Variants in FBXW8 observed in about 807,000 individuals in gnomAD.
FBXW8 encodes the protein F-box and WD repeat domain containing 8.
FBXW8 carries 57 observed loss-of-function variants against 65.3 expected under a neutral mutation model. The ratio of observed to expected loss-of-function variants is 0.87; its 90% CI spans 0.71 to 1.09. The LOEUF is 1.09. FBXW8 is among the 50% of genes least tolerant of loss of function. The pLI, the probability that FBXW8 is intolerant of heterozygous loss-of-function variation, is 0.00. For missense variants in FBXW8, 777 were observed against 814.8 expected (o/e 0.95, Z 0.57); for synonymous variants, 308 against 330.2 (o/e 0.93, Z 0.73).
chr12:116,926,519 T>C (rs1216120340), intron 1 of FBXW8, among the ~76,000 whole-genome samples: 1 of 152,176 alleles, frequency 6.6e-6, no homozygotes, highest in Non-Finnish European at 1.5e-5. Context: ...AAGTGATGCC[T>C]CTTTTTCTTG....
rs58622490 is a variant in FBXW8, at chr12:116,928,004, CTT to C, written c.319-10_319-9del. ...ATATCTAAAAATTATAAACTTCTTT[CTT>C]TTTTTTTTCCCCTCAGAATGAAATG... On this transcript the variant is annotated splice_polypyrimidine_tract_variant and intron_variant, in intron 1 of 10. Coordinates refer to ENST00000652555, the MANE Select transcript of FBXW8 (RefSeq NM_153348.3). 0.027 allele frequency: 35,317 copies of C among 1,319,656 alleles called. 1,917 individuals carry two copies. The highest frequency in any genetic ancestry group is 0.22 in the African/African-American group (14,748 of 67,306). 81.7% of individuals were successfully genotyped at this position (1,319,656 alleles called of 1,614,324 possible). A position where few individuals can be genotyped will look rare whatever the true frequency, so the allele number is the denominator to read the frequency against.
chr12:116,965,864 T>G (rs1195246864), intron 5 of FBXW8, among the ~76,000 whole-genome samples: 1 of 151,618 alleles, frequency 6.6e-6, no homozygotes, highest in Non-Finnish European at 1.5e-5. Context: ...GATCCAGTGA[T>G]CCTCCCACCT....
chr12:116,914,830 G>A (rs1024900565), intron 1 of FBXW8, among the ~76,000 whole-genome samples: 7 of 152,182 alleles, frequency 4.6e-5, no homozygotes, highest in South Asian at 2.1e-4. Context: ...AGCCGAGATC[G>A]TGCCATTGCA....
chr12:116,957,604 G>A (rs1883731555), intron 4 of FBXW8, among the ~76,000 whole-genome samples: 1 of 152,090 alleles, frequency 6.6e-6, no homozygotes, highest in Admixed American at 6.5e-5. Flanking sequence ...ATAAGGTTGT[G>A]TGAGATAAAT....
Position 116,949,689 on chromosome 12 carries a change from T to A in FBXW8, c.660T>A (p.Asp220Glu). ...DTVLCDVHSH[D>E]GVVIAGYTSG... ...TTTTGTGTGATGTGCATTCTCACGA[T>A]GGTGTGGTCATTGCGGGGTAAGCCA... The change falls in exon 4 of 11, where the codon GAT (aspartate) becomes GAA (glutamate). Residue 220 changes from aspartate to glutamate, a missense_variant. Physicochemically the swap from Asp to Glu is conservative, Grantham distance 45 (BLOSUM62 2). Transcript: ENST00000652555. 2.5e-6 allele frequency: 4 copies of A among 1,614,214 alleles called. No homozygotes were observed. Among genetic ancestry groups the A allele is most frequent in the Non-Finnish European group, 3.4e-6 (4 of 1,180,020 alleles).
At chr12:117,027,548 C>CTGAT (rs1312458079) in intron 10 of FBXW8, 44 bp downstream of exon 10, 2 of 1,476,410 alleles carry the variant, frequency 1.4e-6, no homozygotes, top group Non-Finnish European at 1.9e-6. Flanking sequence ...CTTAGTTTGA[C>CTGAT]TGATGTATAG....
intron 1 of FBXW8, among the ~76,000 whole-genome samples, chr12:116,925,872 G>C (rs1702539516): frequency 6.6e-6 from 1 of 152,140 alleles, no homozygotes; most frequent in South Asian, 2.1e-4. Context: ...CACTTAGCCT[G>C]GTGGCTTGTT....
intron 8 of FBXW8, among the ~76,000 whole-genome samples, chr12:117,014,282 C>CT (rs1953895887): frequency 1.3e-5 from 2 of 152,024 alleles, no homozygotes; most frequent in South Asian, 4.2e-4. Flanking sequence ...CCATTTGTTT[C>CT]TTTTTTTATA....
chr12:116,955,048 G>GC (rs371974524), intron 4 of FBXW8, among the ~76,000 whole-genome samples: 41 of 146,872 alleles, frequency 2.8e-4, no homozygotes, highest in African/African-American at 7.4e-4. Flanking sequence ...GGGGGGGGGG[G>GC]CCCTGTATTA....
intron 8 of FBXW8, among the ~76,000 whole-genome samples, chr12:117,014,263 T>TA (rs146513476): frequency 0.047 from 7,195 of 152,278 alleles, 415 homozygotes; most frequent in African/African-American, 0.14. Flanking sequence ...TTTTCTTGGT[T>TA]AAAAATTTCC....
At position 116,993,098 on chromosome 12, in the gene FBXW8, C is replaced by CTTTTTTTTTTTTTTT. The variant is rs71099026; in HGVS notation, c.1239+4238_1239+4252dup. ...CATACCAACATCTATTGATTTTTGA[C>CTTTTTTTTTTTTTTT]TTTTTTTTTTTTTTTTTTTTTTTGA... On this transcript the variant is annotated intron_variant, in intron 7 of 10. Coordinates refer to ENST00000652555, the MANE Select transcript of FBXW8 (RefSeq NM_153348.3). 1.9e-4 allele frequency among the ~76,000 whole-genome samples: 16 copies of CTTTTTTTTTTTTTTT among 85,420 alleles called. 1 individual carries two copies. The highest frequency in any genetic ancestry group is 2.5e-4 in the Non-Finnish European group (12 of 48,410). The allele number at this position is 85,420 out of a possible 152,430, so 56.0% of individuals were successfully genotyped here. A position where few individuals can be genotyped will look rare whatever the true frequency, so the allele number is the denominator to read the frequency against.
Position 117,028,476 on chromosome 12 carries a change from T to A in FBXW8, c.*304T>A, listed in dbSNP as rs1004437514. 3 of 338,872 alleles carry A rather than the reference T, an allele frequency of 8.9e-6. No individual in the cohort carries two copies. The highest frequency in any genetic ancestry group is 1.7e-5 in the Non-Finnish European group (3 of 179,400). The allele number at this position is 338,872 out of a possible 1,614,324, so 21.0% of individuals were successfully genotyped here. On this transcript the variant is annotated 3_prime_UTR_variant, in exon 11 of 11. Transcript: ENST00000652555. The surrounding 1 kb of genome is among the most constrained non-coding windows in gnomAD (Gnocchi z 4.1). Reference sequence around the variant, plus strand: ...TCAGGGATCTCGCTGCGCGGTCCTATACGGTCCCTGCTTAGCCAGCTTCTG... The same window carrying A: ...TCAGGGATCTCGCTGCGCGGTCCTAAACGGTCCCTGCTTAGCCAGCTTCTG...
At chr12:117,004,725 G>A (rs140120154) in intron 7 of FBXW8, among the ~76,000 whole-genome samples, 26 of 152,124 alleles carry the variant, frequency 1.7e-4, no homozygotes, top group African/African-American at 6.3e-4. Context: ...AGCCCTGCAG[G>A]GACCCAACTG....
At chr12:117,010,545 A>G in intron 8 of FBXW8, 95 bp downstream of exon 8, 1 of 1,550,926 alleles carries the variant, frequency 6.4e-7, no homozygotes, top group Non-Finnish European at 8.8e-7. Flanking sequence ...TTCTCACTCA[A>G]CAGCTCTGCC....
intron 4 of FBXW8, among the ~76,000 whole-genome samples, chr12:116,959,931 C>T (rs1199374761): frequency 6.6e-6 from 1 of 152,174 alleles, no homozygotes; most frequent in East Asian, 1.9e-4. Flanking sequence ...TCAGTTTTTC[C>T]TTAGTGTTCT....
At chr12:117,011,656 A>G (rs940466003) in intron 8 of FBXW8, among the ~76,000 whole-genome samples, 2 of 152,108 alleles carry the variant, frequency 1.3e-5, no homozygotes, top group Non-Finnish European at 2.9e-5. Context: ...AGAGGCTCCA[A>G]GCTCCTCTCC....
rs574275001 is a variant in FBXW8 at position 116,961,574 on chromosome 12, A to G, written c.678-3123A>G. On this transcript the variant is annotated intron_variant, in intron 4 of 10. Coordinates refer to ENST00000652555, the MANE Select transcript of FBXW8 (RefSeq NM_153348.3). The surrounding 1 kb of genome is among the most constrained non-coding windows in gnomAD (Gnocchi z 4.4). ...ATTCAATAAGGTGTTAAGATGTAAG[A>G]CTTTATAGAGGGTTCTCTGGGTATA... Among the ~76,000 whole-genome samples the G allele has an allele frequency of 3.9e-4, 59 of 152,192 alleles. No individual in the cohort carries two copies. Among genetic ancestry groups the G allele is most frequent in the African/African-American group, 1.4e-3 (57 of 41,508 alleles).
chr12:117,001,376 C>G (rs1375532121), intron 7 of FBXW8, among the ~76,000 whole-genome samples: 3 of 152,232 alleles, frequency 2.0e-5, no homozygotes, highest in African/African-American at 7.2e-5. Context: ...AGCTTTTGTC[C>G]AGTCTAACTT....
At chr12:116,966,347 C>G (rs1592898835) in intron 5 of FBXW8, among the ~76,000 whole-genome samples, 1 of 152,172 alleles carries the variant, frequency 6.6e-6, no homozygotes, top group African/African-American at 2.4e-5. Flanking sequence ...TTAGGATCAT[C>G]TAATAGCCTT....
Sources: gnomAD v4.1 joint callset for allele counts (sites outside exome capture counted in the v4.1 genomes callset) on GRCh38, gnomAD v4.1.1 for gene constraint, Gnocchi (gnomAD v3.1) non-coding constraint, MANE v1.5 for transcripts, NCBI Gene and HGNC (gene_info 2026-07-23, HGNC 2026-07-21) for gene names.